Variants in ATL2 observed in about 807,000 individuals in gnomAD.
The protein encoded by ATL2 is atlastin GTPase 2.
ATL2 carries 31 observed loss-of-function variants against 73.9 expected under a neutral mutation model. The observed-to-expected ratio is 0.42, with a 90% CI of 0.32 to 0.57. The LOEUF (loss-of-function observed/expected upper bound fraction) is 0.57. ATL2 is among the 20% of genes least tolerant of loss of function. ATL2 has a pLI of 0.14. For synonymous variants in ATL2, 291 were observed against 237.5 expected (o/e 1.23, Z -2.07); for missense variants, 738 against 702.6 (o/e 1.05, Z -0.57).
intron 1 of ATL2, among the ~76,000 whole-genome samples, chr2:38,366,051 G>T (rs74202751): frequency 0.016 from 2,350 of 150,420 alleles, 41 homozygotes; most frequent in East Asian, 0.057. Flanking sequence ...GGTGCCAAAA[G>T]GAGACAAATA....
At chr2:38,363,916 C>G (rs1671153744) in intron 1 of ATL2, among the ~76,000 whole-genome samples, 1 of 152,202 alleles carries the variant, frequency 6.6e-6, no homozygotes, top group Non-Finnish European at 1.5e-5. Context: ...TAAAGACATT[C>G]TGAAGACGGC....
chr2:38,313,907 C>A (rs980904560), intron 6 of ATL2, among the ~76,000 whole-genome samples: 2 of 152,172 alleles, frequency 1.3e-5, no homozygotes, highest in Non-Finnish European at 2.9e-5. Context: ...TCAGAAAAAA[C>A]TGATATAGGC....
chr2:38,307,087 A>G (rs1301039723), intron 9 of ATL2, among the ~76,000 whole-genome samples: 1 of 152,110 alleles, frequency 6.6e-6, no homozygotes, highest in African/African-American at 2.4e-5. Context: ...GCCAGGTATG[A>G]TGGCTCACAC....
At position 38,298,595 on chromosome 2, in the gene ATL2, G is replaced by A. The variant is rs959252559; in HGVS notation, c.1201-20C>T. On this transcript the variant is annotated intron_variant, in intron 11 of 12. Transcript: ENST00000378954. ...ACATACCTGGACAGACAGAATTACA[G>A]TATTACATGCTAGAAATAATTAACA... is the stretch of plus-strand genomic sequence containing the variant. 4 of 1,583,532 alleles carry A rather than the reference G, an allele frequency of 2.5e-6. No individual in the cohort carries two copies. Among genetic ancestry groups the A allele is most frequent in the Non-Finnish European group, 3.4e-6 (4 of 1,165,816 alleles).
At chr2:38,332,353 C>T (rs2034358) in intron 2 of ATL2, among the ~76,000 whole-genome samples, 65,393 of 151,922 alleles carry the variant, frequency 0.43, 16,694 homozygotes, top group African/African-American at 0.73. Context: ...ACTACAGATA[C>T]ACACCACCAC....
At chr2:38,316,680 CACA>C (rs750121794) in intron 4 of ATL2, among the ~76,000 whole-genome samples, 14 of 152,172 alleles carry the variant, frequency 9.2e-5, no homozygotes, top group Admixed American at 3.9e-4. Flanking sequence ...TCTGACTGCA[CACA>C]ACAACCACAT....
intron 1 of ATL2, among the ~76,000 whole-genome samples, chr2:38,350,145 T>A (rs1261795830): frequency 6.6e-6 from 1 of 152,218 alleles, no homozygotes; most frequent in African/African-American, 2.4e-5. Flanking sequence ...TGAAGTTACG[T>A]CCTGTGTATA....
intron 7 of ATL2, among the ~76,000 whole-genome samples, chr2:38,310,758 C>A (rs1460899414): frequency 6.6e-6 from 1 of 151,868 alleles, no homozygotes; most frequent in Non-Finnish European, 1.5e-5. Context: ...CTGCCTCAGC[C>A]TCCCGAGTAG....
chr2:38,313,541 GATC>G (rs1204215524), intron 6 of ATL2, among the ~76,000 whole-genome samples: 2 of 152,150 alleles, frequency 1.3e-5, no homozygotes, highest in Non-Finnish European at 2.9e-5. Flanking sequence ...AGGACACACG[GATC>G]ATAATTTTAA....
At chr2:38,376,999 C>A (rs1165226308) in intron 1 of ATL2, 144 bp downstream of exon 1, 6 of 582,322 alleles carry the variant, frequency 1.0e-5, no homozygotes, top group Non-Finnish European at 1.6e-5. Flanking sequence ...TGAGGCTAGG[C>A]CCGGCGGGCA....
At chr2:38,306,956 C>T (rs1667480211) in intron 9 of ATL2, among the ~76,000 whole-genome samples, 1 of 152,114 alleles carries the variant, frequency 6.6e-6, no homozygotes, top group African/African-American at 2.4e-5. Context: ...AACTGAATAT[C>T]CATATGCAGA....
Position 38,352,133 on chromosome 2 carries a change from CA to C in ATL2, c.119-8622del, listed in dbSNP as rs778821586. On this transcript the variant is annotated intron_variant, in intron 1 of 12. Coordinates refer to ENST00000378954, the MANE Select transcript of ATL2 (RefSeq NM_001135673.4). ...TTCAAAAACAAACAAAAACAACAACCAAAAAAAAAAAAAAAAAAAAAAAAAA... is the reference window on the plus strand; with the variant it reads ...TTCAAAAACAAACAAAAACAACAACCAAAAAAAAAAAAAAAAAAAAAAAAA... Among the ~76,000 whole-genome samples, 268 of 31,986 alleles carry C rather than the reference CA, an allele frequency of 8.4e-3. 2 individuals are homozygous for C. The highest frequency in any genetic ancestry group is 0.018 in the Middle Eastern group (1 of 56). The allele number at this position is 31,986 out of a possible 152,430, so 21.0% of individuals were successfully genotyped here.
rs976208646 is a variant in ATL2, at chr2:38,295,724, A to G, written c.*270T>C. 6 of 239,004 alleles carry G rather than the reference A, an allele frequency of 2.5e-5. No homozygotes were observed. Among genetic ancestry groups the G allele is most frequent in the African/African-American group, 1.4e-4 (6 of 44,294 alleles). The allele number at this position is 239,004 out of a possible 1,614,324, so 14.8% of individuals were successfully genotyped here. A position where few individuals can be genotyped will look rare whatever the true frequency, so the allele number is the denominator to read the frequency against. ...CATAAGACAAATTCACTAACATTAG[A>G]TTAAGTAAAAAGAAATAAAAGAGTT... On this transcript the variant is annotated 3_prime_UTR_variant, in exon 13 of 13. Coordinates refer to ENST00000378954, the MANE Select transcript of ATL2 (RefSeq NM_001135673.4).
intron 1 of ATL2, among the ~76,000 whole-genome samples, chr2:38,345,589 G>C (rs1277249225): frequency 6.6e-6 from 1 of 152,202 alleles, no homozygotes; most frequent in East Asian, 1.9e-4. Context: ...AGTTAAAGGG[G>C]ACATTATCAC....
At chr2:38,318,236 G>C (rs1393707648) in intron 4 of ATL2, 1 of 220,466 alleles carries the variant, frequency 4.5e-6, no homozygotes, top group East Asian at 9.6e-5. Flanking sequence ...CCAGCACTTG[G>C]GGAGGCCGAG....
chr2:38,377,635 G>C (rs774157888), upstream of ATL2, among the ~76,000 whole-genome samples: 1 of 152,090 alleles, frequency 6.6e-6, no homozygotes, highest in Non-Finnish European at 1.5e-5. Flanking sequence ...GAGCTCCAGA[G>C]AACTAAGTCC....
At chr2:38,296,200 A>G (rs1666884805) in intron 12 of ATL2, 87 bp from the exon 13 acceptor site, 1 of 1,438,658 alleles carries the variant, frequency 7.0e-7, no homozygotes, top group African/African-American at 1.4e-5. Flanking sequence ...ATTCAATTCA[A>G]AGCAATGATG....
intron 9 of ATL2, 90 bp from the exon 10 acceptor site, chr2:38,300,418 A>T: frequency 1.2e-6 from 1 of 827,668 alleles, no homozygotes; most frequent in Non-Finnish European, 2.0e-6. Context: ...TATAAAAATA[A>T]TTAACACCAT....
At chr2:38,326,849 G>A (rs552704045) in intron 2 of ATL2, among the ~76,000 whole-genome samples, 7 of 152,080 alleles carry the variant, frequency 4.6e-5, no homozygotes, top group Non-Finnish European at 5.9e-5. Flanking sequence ...TTAGCCAGGC[G>A]TGGTGGCACA....
Sources: allele counts gnomAD v4.1 joint callset (sites outside exome capture counted in the v4.1 genomes callset), GRCh38; gene constraint gnomAD v4.1.1; transcripts MANE v1.5; gene names NCBI Gene and HGNC (gene_info 2026-07-23, HGNC 2026-07-21).